ZC3H11A: variants seen among roughly 807,000 people sequenced by gnomAD.
The protein encoded by ZC3H11A is zinc finger CCCH domain-containing protein 11A.
ZC3H11A carries 22 observed loss-of-function variants against 90.8 expected under a neutral mutation model. The observed-to-expected ratio is 0.24, with a 90% CI of 0.17 to 0.35. ZC3H11A has a LOEUF of 0.35. Ranked by LOEUF, ZC3H11A falls within the 10% of genes least tolerant of loss-of-function variation. ZC3H11A has a pLI of 1.00. For missense variants in ZC3H11A, 701 were observed against 964.9 expected (o/e 0.73, Z 3.62); for synonymous variants, 294 against 339.8 (o/e 0.87, Z 1.48).
chr1:203,827,710 G>A (rs934006816), intron 4 of ZC3H11A, among the ~76,000 whole-genome samples: 4 of 151,872 alleles, frequency 2.6e-5, no homozygotes, highest in Admixed American at 1.3e-4. Context: ...AGGTGACTTG[G>A]GAAGGATACC....
At chr1:203,805,115 C>CA (rs1303925951) in intron 2 of ZC3H11A, among the ~76,000 whole-genome samples, 1 of 150,420 alleles carries the variant, frequency 6.6e-6, no homozygotes, top group African/African-American at 2.4e-5. Context: ...ACCACAGAAT[C>CA]AAAATACCCA....
chr1:203,811,814 GTCTTTT>G (rs1674583499), intron 2 of ZC3H11A, among the ~76,000 whole-genome samples: 1 of 148,294 alleles, frequency 6.7e-6, no homozygotes, highest in African/African-American at 2.5e-5. Context: ...AGATAGCTTT[GTCTTTT>G]TCTTTTTTTT....
intron 12 of ZC3H11A, among the ~76,000 whole-genome samples, chr1:203,846,956 G>A (rs1688068675): frequency 6.6e-6 from 1 of 151,338 alleles, no homozygotes; most frequent in Non-Finnish European, 1.5e-5. Context: ...AGTGAGCTGA[G>A]ATTATACCAC....
chr1:203,828,227 A>G lies in ZC3H11A; in HGVS notation c.175-72A>G. 3.8e-6 allele frequency: 6 copies of G among 1,582,814 alleles called. No homozygotes were observed. The East Asian group carries it at 6.8e-5, about 18-fold the overall frequency. ...TTTGAACCCTGTATGAACTTTGTCT[A>G]GAAAACAAACTGCCACATGAATATA... is the stretch of plus-strand genomic sequence containing the variant. On this transcript the variant is annotated intron_variant, in intron 4 of 17. Transcript: ENST00000367210.
In ZC3H11A at chr1:203,852,806, G is replaced by A. The variant is rs1461733772; in HGVS notation, c.*407G>A. ...CTTAATATTACCTGAGTTTGAAATG[G>A]ATGAAGACAGCTGCTACCATTAAGG... is the stretch of plus-strand genomic sequence containing the variant. On this transcript the variant is annotated 3_prime_UTR_variant, in exon 18 of 18. Transcript: ENST00000367210. 1 of 185,552 alleles carries A rather than the reference G, an allele frequency of 5.4e-6. No individual in the cohort carries two copies. Among genetic ancestry groups the A allele is most frequent in the East Asian group, 1.6e-4 (1 of 6,350 alleles). The allele number at this position is 185,552 out of a possible 1,614,324, so 11.5% of individuals were successfully genotyped here.
Position 203,851,007 on chromosome 1 carries a change from A to G in ZC3H11A, c.2107-50A>G, listed in dbSNP as rs145469449. On this transcript the variant is annotated intron_variant, in intron 16 of 17. Transcript: ENST00000367210. ...GCAGCAAAAGAAAATGAATATGCTCAAATTAAAAAGCCTGACTCTCACTGA... is the reference window on the plus strand; with the variant it reads ...GCAGCAAAAGAAAATGAATATGCTCGAATTAAAAAGCCTGACTCTCACTGA... 9.2e-5 allele frequency: 146 copies of G among 1,594,536 alleles called. 1 individual carries two copies. In the African/African-American group the frequency reaches 1.6e-3, roughly 17 times the overall value.
chr1:203,815,296 C>T (rs1675983860), intron 2 of ZC3H11A, among the ~76,000 whole-genome samples: 2 of 135,008 alleles, frequency 1.5e-5, no homozygotes, highest in Non-Finnish European at 3.1e-5. Flanking sequence ...CTCACTGCAA[C>T]CTCTGCCTCC....
chr1:203,840,379 G>A lies in ZC3H11A; in HGVS notation c.1042+5G>A. The A allele has an allele frequency of 6.2e-7, 1 of 1,611,694 alleles. No homozygotes were observed. The highest frequency in any genetic ancestry group is 1.1e-5 in the South Asian group (1 of 90,812). On this transcript the variant is annotated splice_donor_5th_base_variant and intron_variant, in intron 12 of 17. Transcript: ENST00000367210. ...CAGATAATGAGGATGCAACAGGTAA[G>A]TAAATCCTAAGACCAGATTCTGATT...
chr1:203,844,689 T>TG (rs1687393723), intron 12 of ZC3H11A, among the ~76,000 whole-genome samples: 1 of 152,158 alleles, frequency 6.6e-6, no homozygotes, highest in South Asian at 2.1e-4. Flanking sequence ...TCTGGCTAAG[T>TG]GGAGAGGGTG....
Position 203,848,341 on chromosome 1 carries a change from AGAG to A in ZC3H11A, c.1558_1560del (p.Glu520del). ...TTAATGTGAATACAGGGATGAAAGAAGAGAAGAACCTTCAGGAAGGAAATGAAG... is the reference window on the plus strand; with the variant it reads ...TTAATGTGAATACAGGGATGAAAGAAAAGAACCTTCAGGAAGGAAATGAAG... On this transcript the variant is annotated inframe_deletion, in exon 14 of 18. Transcript: ENST00000367210. 1 of 1,612,796 alleles carries A rather than the reference AGAG, an allele frequency of 6.2e-7. No individual in the cohort carries two copies. Among genetic ancestry groups the A allele is most frequent in the Non-Finnish European group, 8.5e-7 (1 of 1,179,542 alleles).
At chr1:203,828,016 A>C (rs1681118934) in intron 4 of ZC3H11A, among the ~76,000 whole-genome samples, 1 of 151,146 alleles carries the variant, frequency 6.6e-6, no homozygotes, top group Non-Finnish European at 1.5e-5. Flanking sequence ...AACTTAAACT[A>C]CTGTATCATC....
Position 203,850,570 on chromosome 1 carries a change from A to C in ZC3H11A, c.1995A>C (p.Lys665Asn). The C allele has an allele frequency of 6.2e-7, 1 of 1,613,950 alleles. No homozygotes were observed. The highest frequency in any genetic ancestry group is 8.5e-7 in the Non-Finnish European group (1 of 1,179,908). ...TGGTTAAAGTTGTGTCATCCCCCAA[A>C]TTGGCCCCAAAACGTAAGGCAGTGG... is the stretch of plus-strand genomic sequence containing the variant. ...PSVVKVVSSP[K>N]LAPKRKAVEM... The change falls in exon 16 of 18, where the codon AAA becomes AAC. Residue 665 changes from lysine to asparagine, a missense_variant. Coordinates refer to ENST00000367210, the MANE Select transcript of ZC3H11A (RefSeq NM_001376342.1).
intron 2 of ZC3H11A, among the ~76,000 whole-genome samples, chr1:203,803,325 G>T (rs1188435384): frequency 6.6e-6 from 1 of 151,982 alleles, no homozygotes; most frequent in Non-Finnish European, 1.5e-5. Context: ...CTGGGTAGCT[G>T]GGATTACAGA....
At chr1:203,848,619 G>A (rs1298124664) in intron 14 of ZC3H11A, among the ~76,000 whole-genome samples, 1 of 152,168 alleles carries the variant, frequency 6.6e-6, no homozygotes, top group Non-Finnish European at 1.5e-5. Flanking sequence ...CGGGCGCGGT[G>A]GCTCACGCCT....
chr1:203,833,617 G>GTTTTTTTTT (rs1558128351), intron 9 of ZC3H11A, among the ~76,000 whole-genome samples, 174 bp from the exon 10 acceptor site: 1 of 72,084 alleles, frequency 1.4e-5, no homozygotes, highest in African/African-American at 4.3e-5. Flanking sequence ...AATAGGTTTG[G>GTTTTTTTTT]GTTTTTTTTT....
chr1:203,826,547 C>T (rs972205776), intron 4 of ZC3H11A, among the ~76,000 whole-genome samples: 2 of 152,232 alleles, frequency 1.3e-5, no homozygotes, highest in South Asian at 4.1e-4. Context: ...GATTCTTCCA[C>T]GTCCCTGAAA....
Position 203,828,362 on chromosome 1 carries a change from T to C in ZC3H11A, c.238T>C (p.Cys80Arg), listed in dbSNP as rs768972058. The C allele has an allele frequency of 6.2e-7, 1 of 1,614,116 alleles. No homozygotes were observed. Residue 80 changes from cysteine to arginine, a missense_variant, in exon 5 of 18, where the codon TGC (cysteine) becomes CGC (arginine). Transcript: ENST00000367210. ...GCCAACAGGATGTCAAAAATTAAAC[T>C]GCGCTTTCCATCACAATAGAGGACG... Reference protein sequence around the residue: ...NQPTGCQKLNCAFHHNRGRYV... With the variant: ...NQPTGCQKLNRAFHHNRGRYV...
At position 203,842,853 on chromosome 1, in the gene ZC3H11A, T is replaced by C. The variant is rs530620696; in HGVS notation, c.1042+2479T>C. Among the ~76,000 whole-genome samples the C allele has an allele frequency of 3.7e-3, 564 of 151,728 alleles. 4 individuals are homozygous for C. Among genetic ancestry groups the C allele is most frequent in the African/African-American group, 0.013 (542 of 41,506 alleles). On this transcript the variant is annotated intron_variant, in intron 12 of 17. Transcript: ENST00000367210. The stretch of plus-strand genomic sequence containing the variant: ...TTTAAATTTTTTAAATTATGAAATA[T>C]AACTACATAAGTATATATATGTACA...
chr1:203,847,539 G>A lies in ZC3H11A; in HGVS notation c.1398G>A (p.Met466Ile). 1 of 1,613,972 alleles carries A rather than the reference G, an allele frequency of 6.2e-7. No homozygotes were observed. Among genetic ancestry groups the A allele is most frequent in the East Asian group, 2.2e-5 (1 of 44,886 alleles). ...AGCCTGCAGGTAAAACAAAGTCTAT[G>A]CAGGAGGTGCACATCAAGACGCTGG... Reference protein sequence around the residue: ...SEEPAGKTKSMQEVHIKTLEE... With the variant: ...SEEPAGKTKSIQEVHIKTLEE... The change falls in exon 13 of 18, where the codon ATG becomes ATA. Residue 466 changes from methionine (M) to isoleucine (I), a missense_variant. By Grantham distance (10) the Met-to-Ile change is conservative. Around this residue, in one of 4 missense-constraint regions of ZC3H11A, gnomAD observed 530 missense variants for 696.2 expected, o/e 0.76. Coordinates refer to ENST00000367210, the MANE Select transcript of ZC3H11A (RefSeq NM_001376342.1).
Sources: gnomAD v4.1 joint callset for allele counts (sites outside exome capture counted in the v4.1 genomes callset) on GRCh38, gnomAD v4.1.1 for gene constraint, gnomAD v4.1.1 regional missense constraint, MANE v1.5 for transcripts, NCBI Gene and HGNC (gene_info 2026-07-23, HGNC 2026-07-21) for gene names.